The following EXOC4 variants were observed in gnomAD, a reference collection of about 807,000 sequenced individuals.
EXOC4 encodes the protein SEC8-like 1.
In EXOC4, 71 loss-of-function variants were observed where a neutral mutation model predicts 107.2. That is an observed-to-expected ratio of 0.66 (90% CI 0.55 to 0.81). The LOEUF (loss-of-function observed/expected upper bound fraction) is 0.81. Ranked by LOEUF, EXOC4 falls within the 30% of genes least tolerant of loss-of-function variation. The pLI is 0.00. For missense variants in EXOC4, 1,108 were observed against 1,189.6 expected, an observed-to-expected ratio of 0.93 and a Z score of 1.01; for synonymous variants, 456 against 441.2, an observed-to-expected ratio of 1.03 and a Z score of -0.42.
chr7:133,663,360 T>C (rs1306187746), intron 10 of EXOC4, among the ~76,000 whole-genome samples: 2 of 152,140 alleles, frequency 1.3e-5, no homozygotes, highest in East Asian at 3.9e-4. Context: ...CCTGGTAATC[T>C]GATCCATTCC....
intron 10 of EXOC4, among the ~76,000 whole-genome samples, chr7:133,706,433 G>A (rs1331075499): frequency 6.6e-6 from 1 of 152,150 alleles, no homozygotes; most frequent in African/African-American, 2.4e-5. Flanking sequence ...AAACTCACAA[G>A]TCATCATTAG....
intron 7 of EXOC4, among the ~76,000 whole-genome samples, chr7:133,421,330 C>T (rs1165926403): frequency 3.3e-5 from 5 of 152,152 alleles, no homozygotes; most frequent in Non-Finnish European, 7.3e-5. Context: ...TCAGAGAAGG[C>T]ATGGATGGCT....
At chr7:133,801,008 T>C (rs1394019520) in intron 10 of EXOC4, among the ~76,000 whole-genome samples, 1 of 152,202 alleles carries the variant, frequency 6.6e-6, no homozygotes, top group Non-Finnish European at 1.5e-5. Flanking sequence ...CCATGTCTGC[T>C]CAGAACCATC....
chr7:133,791,637 A>G (rs761294280), intron 10 of EXOC4, among the ~76,000 whole-genome samples: 1 of 152,254 alleles, frequency 6.6e-6, no homozygotes, highest in Non-Finnish European at 1.5e-5. Flanking sequence ...AATTAGTAAT[A>G]TAAGTTCTTG....
chr7:133,270,767 C>G (rs1051434303), intron 1 of EXOC4, among the ~76,000 whole-genome samples: 6 of 152,136 alleles, frequency 3.9e-5, no homozygotes, highest in African/African-American at 1.4e-4. Context: ...CATGACCTGG[C>G]TGGTGGGGTG....
At chr7:133,678,419 A>G (rs1030937373) in intron 10 of EXOC4, among the ~76,000 whole-genome samples, 1 of 152,232 alleles carries the variant, frequency 6.6e-6, no homozygotes, top group Admixed American at 6.5e-5. Flanking sequence ...AATTTAAAGC[A>G]GTTCACTTCC....
chr7:133,769,227 C>T (rs1796198204), intron 10 of EXOC4, among the ~76,000 whole-genome samples: 1 of 151,854 alleles, frequency 6.6e-6, no homozygotes, highest in African/African-American at 2.4e-5. Context: ...CCCACACATT[C>T]TGTACTTGTA....
intron 10 of EXOC4, among the ~76,000 whole-genome samples, chr7:133,662,483 G>T (rs1428922333): frequency 6.6e-6 from 1 of 152,072 alleles, no homozygotes; most frequent in Non-Finnish European, 1.5e-5. Flanking sequence ...TTTGAGTAGA[G>T]CATTTAGTCA....
chr7:133,808,986 T>C (rs1437599142), intron 10 of EXOC4, among the ~76,000 whole-genome samples: 1 of 132,714 alleles, frequency 7.5e-6, no homozygotes, highest in Non-Finnish European at 1.7e-5. Flanking sequence ...GGTCCAAAGA[T>C]TATTTCAGTT....
chr7:134,048,601 A>G (rs1219588176), intron 17 of EXOC4, among the ~76,000 whole-genome samples: 1 of 152,168 alleles, frequency 6.6e-6, no homozygotes, highest in Non-Finnish European at 1.5e-5. Context: ...CCTTTGAGTA[A>G]AGGGTGTCCT....
intron 6 of EXOC4, among the ~76,000 whole-genome samples, chr7:133,366,926 AG>A (rs1262454978): frequency 6.6e-6 from 1 of 152,146 alleles, no homozygotes; most frequent in Admixed American, 6.5e-5. Flanking sequence ...GGCATGAGCA[AG>A]GTAACCGTGG....
chr7:133,947,978 T>C (rs142642404), intron 14 of EXOC4, among the ~76,000 whole-genome samples: 4 of 152,220 alleles, frequency 2.6e-5, no homozygotes, highest in African/African-American at 9.6e-5. Flanking sequence ...GGCTCTAAAA[T>C]GGCATGCTGA....
chr7:133,871,389 C>T (rs1456291856), intron 11 of EXOC4, among the ~76,000 whole-genome samples: 3 of 151,928 alleles, frequency 2.0e-5, no homozygotes, highest in Admixed American at 6.6e-5. Flanking sequence ...ACCAGCACAC[C>T]GCTAGTCATG....
At chr7:133,342,237 G>T (rs1327059369) in intron 5 of EXOC4, among the ~76,000 whole-genome samples, 1 of 152,014 alleles carries the variant, frequency 6.6e-6, no homozygotes, top group African/African-American at 2.4e-5. Context: ...CTTAGTAGTG[G>T]CGAATTCTCT....
At chr7:133,878,666 C>T (rs1167638501) in intron 11 of EXOC4, among the ~76,000 whole-genome samples, 1 of 152,026 alleles carries the variant, frequency 6.6e-6, no homozygotes, top group Non-Finnish European at 1.5e-5. Context: ...TAACATTGAC[C>T]CTATGTGGAT....
At chr7:133,605,488 T>A (rs1801919596) in intron 9 of EXOC4, among the ~76,000 whole-genome samples, 1 of 152,202 alleles carries the variant, frequency 6.6e-6, no homozygotes, top group African/African-American at 2.4e-5. Flanking sequence ...CTAAGTATAA[T>A]GGAACCATGA....
chr7:133,754,143 TG>T (rs1416382278), intron 10 of EXOC4, among the ~76,000 whole-genome samples: 3 of 152,004 alleles, frequency 2.0e-5, no homozygotes, highest in African/African-American at 7.3e-5. Flanking sequence ...AAGGCTGAGA[TG>T]AGGGGTTTTG....
chr7:133,960,946 A>G (rs1234658744), intron 14 of EXOC4, among the ~76,000 whole-genome samples: 2 of 152,184 alleles, frequency 1.3e-5, no homozygotes, highest in African/African-American at 4.8e-5. Context: ...TGGTAGGCAG[A>G]ACAAATGGCT....
At chr7:133,983,138 G>A (rs1005871501) in intron 14 of EXOC4, among the ~76,000 whole-genome samples, 2 of 151,886 alleles carry the variant, frequency 1.3e-5, no homozygotes, top group African/African-American at 2.4e-5. Context: ...GGAGCAAGAG[G>A]CTGGATATTC....
Sources: gnomAD v4.1 joint callset for allele counts (sites outside exome capture counted in the v4.1 genomes callset) on GRCh38, gnomAD v4.1.1 for gene constraint, MANE v1.5 for transcripts, NCBI Gene and HGNC (gene_info 2026-07-23, HGNC 2026-07-21) for gene names.